SCEL: variants seen among roughly 807,000 people sequenced by gnomAD.
SCEL encodes the protein sciellin.
A neutral mutation model predicts 117.6 loss-of-function variants in SCEL; 113 were observed. The observed-to-expected ratio is 0.96, with a 90% CI of 0.83 to 1.12. The LOEUF (loss-of-function observed/expected upper bound fraction) is 1.12, where lower values mean the gene tolerates loss of function less well. SCEL is among the 50% of genes most tolerant of loss of function. SCEL has a pLI of 0.00. For synonymous variants in SCEL, 270 were observed against 256.2 expected, an observed-to-expected ratio of 1.05 and a Z score of -0.51; for missense variants, 785 against 810.8, an observed-to-expected ratio of 0.97 and a Z score of 0.39.
At chr13:77,547,970 A>C (rs2084088116) in intron 1 of SCEL, among the ~76,000 whole-genome samples, 1 of 152,076 alleles carries the variant, frequency 6.6e-6, no homozygotes, top group East Asian at 1.9e-4. Flanking sequence ...CCTCTTCCTT[A>C]GTATATAGCT....
At chr13:77,556,787 C>T (rs2084683804) in intron 3 of SCEL, 74 bp downstream of exon 3, 5 of 1,053,218 alleles carry the variant, frequency 4.7e-6, no homozygotes, top group Non-Finnish European at 7.3e-6. Context: ...AGCTAATGCT[C>T]ATCTGAAAAG....
intron 27 of SCEL, among the ~76,000 whole-genome samples, chr13:77,627,642 C>A (rs2089807967): frequency 6.6e-6 from 1 of 151,864 alleles, no homozygotes; most frequent in Non-Finnish European, 1.5e-5. Context: ...TATTATACAT[C>A]AATAAAAAAA....
intron 4 of SCEL, 116 bp downstream of exon 4, chr13:77,559,979 C>A: frequency 1.2e-6 from 1 of 865,140 alleles, no homozygotes. Context: ...CCCCGATGTT[C>A]TGGGCATGTG....
intron 23 of SCEL, 145 bp downstream of exon 23, chr13:77,613,086 T>C: frequency 1.8e-6 from 1 of 558,572 alleles, no homozygotes. Flanking sequence ...GCTGGATAGA[T>C]TTTTCTGTCT....
At chr13:77,612,014 C>T (rs945495777) in intron 22 of SCEL, among the ~76,000 whole-genome samples, 3 of 152,014 alleles carry the variant, frequency 2.0e-5, no homozygotes, top group African/African-American at 7.3e-5. Context: ...TTTTGACCAA[C>T]AAAATGGCAA....
chr13:77,610,450 A>C (rs1428245981), intron 22 of SCEL, among the ~76,000 whole-genome samples: 17 of 1,354 alleles, frequency 0.013, no homozygotes, highest in Admixed American at 0.081. Flanking sequence ...AGACTCCGTC[A>C]AAAAAAAAAA....
At chr13:77,619,194 G>A (rs945955274) in intron 27 of SCEL, among the ~76,000 whole-genome samples, 15 of 152,134 alleles carry the variant, frequency 9.9e-5, no homozygotes, top group African/African-American at 3.6e-4. Context: ...TATAATCCAT[G>A]ATTGGCCTAA....
intron 5 of SCEL, among the ~76,000 whole-genome samples, chr13:77,565,240 G>A (rs1373181069): frequency 1.3e-5 from 2 of 152,118 alleles, no homozygotes; most frequent in South Asian, 2.1e-4. Flanking sequence ...TAGTACCACT[G>A]AGTGGGCTCT....
Position 77,563,890 on chromosome 13 carries a change from C to G in SCEL, c.281C>G (p.Thr94Ser). ...ATTAGTCGGTACAGTTCTGATGACA[C>G]TTTGGACAGGTAAGGGGCTTTTGAA... ...ATISRYSSDD[T>S]LDRISDRNDA... is the part of the protein sequence containing the mutation. Residue 94 changes from threonine (T) to serine (S), a missense_variant, in exon 5 of 33, where the codon ACT becomes AGT. Coordinates refer to ENST00000349847, the MANE Select transcript of SCEL (RefSeq NM_144777.3). 6.3e-7 allele frequency: 1 copy of G among 1,591,046 alleles called. No individual in the cohort carries two copies. Among genetic ancestry groups the G allele is most frequent in the Non-Finnish European group, 8.5e-7 (1 of 1,171,522 alleles).
intron 30 of SCEL, among the ~76,000 whole-genome samples, chr13:77,638,526 T>A (rs1454186184): frequency 6.6e-6 from 1 of 152,228 alleles, no homozygotes; most frequent in East Asian, 1.9e-4. Flanking sequence ...AAAGTATTGC[T>A]GTTAATAGAA....
At chr13:77,537,337 C>T (rs2083463073) in intron 1 of SCEL, among the ~76,000 whole-genome samples, 1 of 152,104 alleles carries the variant, frequency 6.6e-6, no homozygotes, top group Non-Finnish European at 1.5e-5. Context: ...AGTAGCAGAA[C>T]CAGAGCACGA....
At chr13:77,617,943 C>A in intron 26 of SCEL, 61 bp from the exon 27 acceptor site, 2 of 1,582,716 alleles carry the variant, frequency 1.3e-6, no homozygotes, top group Non-Finnish European at 1.7e-6. Flanking sequence ...GCTTTATTGA[C>A]CTAGCACAAC....
At chr13:77,603,246 A>C (rs1049820539) in intron 18 of SCEL, 111 bp downstream of exon 18, 1 of 554,394 alleles carries the variant, frequency 1.8e-6, no homozygotes, top group African/African-American at 1.9e-5. Flanking sequence ...GGAATTAGAC[A>C]ATAAAGATAG....
chr13:77,621,654 A>G (rs1236731314), intron 27 of SCEL, among the ~76,000 whole-genome samples: 3 of 152,224 alleles, frequency 2.0e-5, no homozygotes, highest in Admixed American at 6.5e-5. Flanking sequence ...GCATAATGCA[A>G]TGCCTGGTAC....
chr13:77,568,820 CA>C (rs2085432603), intron 7 of SCEL, among the ~76,000 whole-genome samples: 1 of 152,176 alleles, frequency 6.6e-6, no homozygotes, highest in African/African-American at 2.4e-5. Flanking sequence ...CAGCCCAAAT[CA>C]GACAGATTTA....
intron 9 of SCEL, among the ~76,000 whole-genome samples, chr13:77,586,377 C>G (rs963999006): frequency 2.6e-5 from 4 of 152,166 alleles, no homozygotes; most frequent in African/African-American, 9.7e-5. Context: ...GTCCAGCTCA[C>G]TCCCTTCAGT....
chr13:77,618,944 C>T (rs894107982), intron 27 of SCEL, among the ~76,000 whole-genome samples: 1 of 152,122 alleles, frequency 6.6e-6, no homozygotes, highest in Non-Finnish European at 1.5e-5. Context: ...CCATTTTACA[C>T]TCTTAAGATA....
intron 1 of SCEL, among the ~76,000 whole-genome samples, chr13:77,546,503 G>A (rs757426060): frequency 6.6e-6 from 1 of 152,140 alleles, no homozygotes; most frequent in Admixed American, 6.6e-5. Flanking sequence ...ACAGCCGGTG[G>A]TACTTGGTAG....
At chr13:77,606,770 T>C (rs1318922399) in intron 19 of SCEL, among the ~76,000 whole-genome samples, 1 of 152,200 alleles carries the variant, frequency 6.6e-6, no homozygotes, top group Non-Finnish European at 1.5e-5. Flanking sequence ...TCTTTGATGT[T>C]GTATAGACAA....
Sources: allele counts gnomAD v4.1 joint callset (sites outside exome capture counted in the v4.1 genomes callset), GRCh38; gene constraint gnomAD v4.1.1; transcripts MANE v1.5; gene names NCBI Gene and HGNC (gene_info 2026-07-23, HGNC 2026-07-21).